The following NKTR variants were observed in gnomAD, a reference collection of about 807,000 sequenced individuals.
NKTR encodes the protein natural killer cell triggering receptor.
NKTR carries 67 observed loss-of-function variants against 156.3 expected under a neutral mutation model. The observed-to-expected ratio is 0.43, with a 90% CI of 0.35 to 0.53. The LOEUF (loss-of-function observed/expected upper bound fraction) is 0.53. Ranked by LOEUF, NKTR falls within the 20% of genes least tolerant of loss-of-function variation. The pLI, the probability that NKTR is intolerant of heterozygous loss-of-function variation, is 0.01. For missense variants in NKTR, 1,604 were observed against 1,730.9 expected, an observed-to-expected ratio of 0.93 and a Z score of 1.30; for synonymous variants, 640 against 596.6, an observed-to-expected ratio of 1.07 and a Z score of -1.06.
chr3:42,621,374 T>C (rs1707887430), intron 5 of NKTR, 55 bp from the exon 6 acceptor site: 1 of 1,564,734 alleles, frequency 6.4e-7, no homozygotes, highest in Non-Finnish European at 8.6e-7. Flanking sequence ...ACTTGAACAT[T>C]ACTTTAAAGT....
chr3:42,608,243 G>A (rs977753207), intron 2 of NKTR, among the ~76,000 whole-genome samples: 43 of 151,772 alleles, frequency 2.8e-4, no homozygotes, highest in African/African-American at 8.5e-4. Context: ...CACCCACCTC[G>A]GCCTCCGTGA....
At chr3:42,619,780 T>C in intron 5 of NKTR, 72 bp downstream of exon 5, 3 of 1,580,550 alleles carry the variant, frequency 1.9e-6, no homozygotes, top group Non-Finnish European at 8.6e-7. Flanking sequence ...ATACTTTTAA[T>C]GAGAAGAGGT....
At chr3:42,615,202 C>G (rs1006253788) in intron 2 of NKTR, among the ~76,000 whole-genome samples, 6 of 151,892 alleles carry the variant, frequency 4.0e-5, no homozygotes, top group Non-Finnish European at 7.4e-5. Flanking sequence ...CCTCAGCCTC[C>G]CGAGTAGCTA....
chr3:42,617,324 A>T (rs1196274748), intron 2 of NKTR, among the ~76,000 whole-genome samples: 3 of 152,224 alleles, frequency 2.0e-5, no homozygotes, highest in Non-Finnish European at 4.4e-5. Context: ...TTTAAAACAC[A>T]CTTAAAATCC....
In NKTR at chr3:42,635,361, A is replaced by G; in HGVS notation, c.1158A>G (p.Gly386=). 6.2e-7 allele frequency: 1 copy of G among 1,607,166 alleles called. No individual in the cohort carries two copies. ...RPPSGEKWSK[G]DKLSDPCSSR... is the part of the protein sequence containing the mutation. ...CTAGTGGAGAAAAATGGAGTAAAGG[A>G]GATAAGTAAGAACTTTGAGTATAAG... The change falls in exon 12 of 17, where the codon GGA becomes GGG. Residue 386 remains glycine (G), a synonymous_variant. Coordinates refer to ENST00000232978, the MANE Select transcript of NKTR (RefSeq NM_005385.4).
In NKTR at chr3:42,636,857, C is replaced by G. The variant is rs774642522; in HGVS notation, c.1164-11C>G. ...ATAAATCACCGCATGAATATTATGT[C>G]CTTTCTATAGGTTAAGTGACCCCTG... On this transcript the variant is annotated splice_polypyrimidine_tract_variant and intron_variant, in intron 12 of 16. Coordinates refer to ENST00000232978, the MANE Select transcript of NKTR (RefSeq NM_005385.4). 1 of 1,543,836 alleles carries G rather than the reference C, an allele frequency of 6.5e-7. No individual in the cohort carries two copies. The highest frequency in any genetic ancestry group is 8.7e-7 in the Non-Finnish European group (1 of 1,152,214).
At chr3:42,635,658 G>A (rs339659) in intron 12 of NKTR, among the ~76,000 whole-genome samples, 122,261 of 152,180 alleles carry the variant, frequency 0.8, 49,826 homozygotes, top group African/African-American at 0.95. Flanking sequence ...GGTGGCTCAC[G>A]CTTGTCATCC....
chr3:42,617,679 G>T (rs1577468787), intron 3 of NKTR, 35 bp downstream of exon 3: 1 of 1,173,992 alleles, frequency 8.5e-7, no homozygotes, highest in Non-Finnish European at 1.3e-6. Context: ...AGAAGCTGTG[G>T]CTTACAGTTT....
intron 3 of NKTR, 101 bp from the exon 4 acceptor site, chr3:42,618,919 C>A: frequency 1.0e-6 from 1 of 972,694 alleles, no homozygotes; most frequent in Non-Finnish European, 1.5e-6. Context: ...CAGTGCCTAG[C>A]ACACAGGAAA....
chr3:42,633,353 TTAAAA>T, intron 9 of NKTR: 11 of 1,298,616 alleles, frequency 8.5e-6, no homozygotes, highest in Non-Finnish European at 9.8e-6. Context: ...CCTGGAACTC[TTAAAA>T]TAAAAAAGTT....
chr3:42,623,827 A>T (rs1708133131), intron 6 of NKTR: 1 of 152,138 alleles, frequency 6.6e-6, no homozygotes, highest in Non-Finnish European at 1.5e-5. Flanking sequence ...AAAAGAAAGG[A>T]TAGTGTAAGA....
intron 2 of NKTR, among the ~76,000 whole-genome samples, chr3:42,612,114 T>C (rs1200826117): frequency 6.6e-6 from 1 of 152,144 alleles, no homozygotes; most frequent in African/African-American, 2.4e-5. Context: ...AAAAATAAAA[T>C]ACATTATTTT....
chr3:42,601,188 G>T, intron 2 of NKTR, 124 bp downstream of exon 2: 1 of 709,950 alleles, frequency 1.4e-6, no homozygotes, highest in Non-Finnish European at 2.2e-6. Context: ...GCAACTTTCC[G>T]TTTTCTCTTG....
intron 7 of NKTR, 61 bp downstream of exon 7, chr3:42,630,636 T>C: frequency 6.2e-7 from 1 of 1,610,550 alleles, no homozygotes; most frequent in Non-Finnish European, 8.5e-7. Flanking sequence ...TAAAGAGAGA[T>C]TGGACCATGG....
chr3:42,628,103 C>T (rs1175375532), intron 6 of NKTR: 3 of 985,254 alleles, frequency 3.0e-6, no homozygotes, highest in Non-Finnish European at 3.6e-6. Flanking sequence ...TTGAGAACCC[C>T]AGAGGGCTTC....
At position 42,633,664 on chromosome 3, in the gene NKTR, G is replaced by A. The variant is rs1259710185; in HGVS notation, c.858G>A (p.Glu286=). Residue 286 remains glutamate (E), a synonymous_variant, in exon 10 of 17, where the codon GAG becomes GAA. Coordinates refer to ENST00000232978, the MANE Select transcript of NKTR (RefSeq NM_005385.4). ...AAAAACCTGTGGTCCGCCCAGAAGAGATTCCTCCAGTGCCTGAGAACCGAT... is the reference window on the plus strand; with the variant it reads ...AAAAACCTGTGGTCCGCCCAGAAGAAATTCCTCCAGTGCCTGAGAACCGAT... The part of the protein sequence containing the change: ...KREKPVVRPE[E]IPPVPENRFL... The A allele has an allele frequency of 5.0e-6, 8 of 1,614,008 alleles. No individual in the cohort carries two copies. Among genetic ancestry groups the A allele is most frequent in the Non-Finnish European group, 6.8e-6 (8 of 1,180,008 alleles).
chr3:42,639,723 G>A lies in NKTR; in HGVS notation c.4019G>A (p.Arg1340Gln), dbSNP rs1454178900. ...GTCTCCTATAGTCACTCAAGAAGTC[G>A]ATCGAGAAGTTCCACATCATCTTAT... ...RSVSYSHSRS[R>Q]SRSSTSSYRS... Residue 1340 changes from arginine to glutamine, a missense_variant, in exon 13 of 17, where the codon CGA becomes CAA. Arg to Gln is a conservative substitution (Grantham distance 43, BLOSUM62 1). This residue lies in a region of NKTR where 193 missense variants were observed against 220.2 expected (regional missense o/e 0.88). Coordinates refer to ENST00000232978, the MANE Select transcript of NKTR (RefSeq NM_005385.4). The A allele has an allele frequency of 2.5e-6, 4 of 1,610,088 alleles. No individual in the cohort carries two copies. Among genetic ancestry groups the A allele is most frequent in the African/African-American group, 1.3e-5 (1 of 74,792 alleles).
intron 3 of NKTR, among the ~76,000 whole-genome samples, chr3:42,618,022 A>G (rs1338153196): frequency 6.6e-6 from 1 of 152,124 alleles, no homozygotes; most frequent in Non-Finnish European, 1.5e-5. Context: ...AATAGAAAAA[A>G]TGGGGAGGGA....
chr3:42,636,690 G>T (rs1012793866), intron 12 of NKTR, among the ~76,000 whole-genome samples, 178 bp from the exon 13 acceptor site: 2 of 152,194 alleles, frequency 1.3e-5, no homozygotes, highest in Admixed American at 1.3e-4. Context: ...TTTGTTAGTA[G>T]TTCTTAGTGT....
Sources: gnomAD v4.1 joint callset for allele counts (sites outside exome capture counted in the v4.1 genomes callset) on GRCh38, gnomAD v4.1.1 for gene constraint, gnomAD v4.1.1 regional missense constraint, MANE v1.5 for transcripts, NCBI Gene and HGNC (gene_info 2026-07-23, HGNC 2026-07-21) for gene names.